Variants in FAF1 observed in about 807,000 individuals in gnomAD.
FAF1 encodes Fas associated factor 1.
In FAF1, 25 loss-of-function variants were observed where a neutral mutation model predicts 92.5. That is an observed-to-expected ratio of 0.27 (90% confidence interval 0.20 to 0.38). The LOEUF is 0.38. FAF1 is among the 10% of genes least tolerant of loss of function. The probability of loss-of-function intolerance (pLI) is 1.00; values close to 1 mark genes in which losing one functional copy is unlikely to be tolerated. For missense variants in FAF1, 636 were observed against 793.3 expected (o/e 0.80, Z 2.38); for synonymous variants, 234 against 273.2 (o/e 0.86, Z 1.42).
chr1:50,851,230 G>A lies in FAF1; in HGVS notation c.114+6699C>T, dbSNP rs574031609. Among the ~76,000 whole-genome samples the A allele has an allele frequency of 9.2e-5, 14 of 152,118 alleles. No individual in the cohort carries two copies. In the South Asian group the frequency reaches 2.1e-3, roughly 23 times the overall value. On this transcript the variant is annotated intron_variant, in intron 2 of 18. Transcript: ENST00000396153. ...TGAGTAGCTGGGACCACAGGCATGC[G>A]CCACCAAGCGGGGCTAATTTTTGTA...
chr1:50,729,058 A>ATATATATATT lies in FAF1; in HGVS notation c.551+9804_551+9805insAATATATATA, dbSNP rs1375923156. Among the ~76,000 whole-genome samples the ATATATATATT allele has an allele frequency of 1.1e-3, 74 of 70,094 alleles. 1 individual carries two copies. Among genetic ancestry groups the ATATATATATT allele is most frequent in the African/African-American group, 3.8e-3 (64 of 16,922 alleles). The allele number at this position is 70,094 out of a possible 152,430, so 46.0% of individuals were successfully genotyped here. On this transcript the variant is annotated intron_variant, in intron 6 of 18. Transcript: ENST00000396153. ...TCTATATATATATATATATATATAT[A>ATATATATATT]TTTTTTTTTTTTTTGAGGCAGAGTT... is the stretch of plus-strand genomic sequence containing the variant.
At chr1:50,493,960 A>G (rs1164813526) in intron 15 of FAF1, among the ~76,000 whole-genome samples, 1 of 152,244 alleles carries the variant, frequency 6.6e-6, no homozygotes, top group African/African-American at 2.4e-5. Context: ...GCTCTGTTGT[A>G]AAACAGACTG....
intron 4 of FAF1, 71 bp downstream of exon 4, chr1:50,787,929 T>TA (rs982043137): frequency 6.7e-5 from 92 of 1,373,222 alleles, no homozygotes; most frequent in Middle Eastern, 1.8e-4. Flanking sequence ...CAACTAGAAA[T>TA]AAAAAAAATA....
intron 9 of FAF1, 62 bp from the exon 10 acceptor site, chr1:50,584,873 A>C: frequency 6.9e-7 from 1 of 1,448,974 alleles, no homozygotes; most frequent in Admixed American, 1.8e-5. Context: ...TCTAAGAATA[A>C]GTTATAATAA....
intron 15 of FAF1, among the ~76,000 whole-genome samples, chr1:50,530,275 G>GTGTGTA (rs1419540554): frequency 7.2e-6 from 1 of 139,376 alleles, no homozygotes; most frequent in Non-Finnish European, 1.6e-5. Context: ...GTGTGTGTGT[G>GTGTGTA]TATGTATATA....
intron 14 of FAF1, among the ~76,000 whole-genome samples, chr1:50,537,438 T>G (rs562215477): frequency 4.1e-4 from 62 of 152,324 alleles, no homozygotes; most frequent in African/African-American, 1.3e-3. Context: ...GCAGCAGTTC[T>G]CAAACTTTTT....
intron 4 of FAF1, among the ~76,000 whole-genome samples, chr1:50,745,238 T>C (rs1440701131): frequency 1.3e-5 from 2 of 152,052 alleles, no homozygotes; most frequent in East Asian, 1.9e-4. Context: ...GAGGCAGAGG[T>C]TGCAGTGAGC....
chr1:50,739,691 A>C (rs1659310483), intron 5 of FAF1, among the ~76,000 whole-genome samples: 1 of 152,138 alleles, frequency 6.6e-6, no homozygotes, highest in African/African-American at 2.4e-5. Flanking sequence ...CCTCAAGCCA[A>C]CGATTTTATA....
At chr1:50,889,445 A>C (rs1044580382) in intron 1 of FAF1, among the ~76,000 whole-genome samples, 5 of 151,932 alleles carry the variant, frequency 3.3e-5, no homozygotes, top group Non-Finnish European at 5.9e-5. Flanking sequence ...TAGTTCTTTT[A>C]ATTGTGATGT....
intron 2 of FAF1, among the ~76,000 whole-genome samples, chr1:50,832,163 G>C (rs1381732092): frequency 1.3e-5 from 2 of 152,126 alleles, no homozygotes; most frequent in African/African-American, 4.8e-5. Context: ...ATAAAGTGGA[G>C]AATAAATGTA....
At chr1:50,671,932 G>A (rs1287992932) in intron 7 of FAF1, among the ~76,000 whole-genome samples, 1 of 151,224 alleles carries the variant, frequency 6.6e-6, no homozygotes, top group Non-Finnish European at 1.5e-5. Context: ...TCAGCCTCCT[G>A]AGTAGGTAGG....
chr1:50,649,769 G>A (rs1487682990), intron 8 of FAF1, among the ~76,000 whole-genome samples: 18 of 138,136 alleles, frequency 1.3e-4, no homozygotes, highest in East Asian at 1.3e-3. Flanking sequence ...ATGAAACCGC[G>A]TCTCTACTAA....
chr1:50,928,940 C>A (rs1002530280), intron 1 of FAF1, among the ~76,000 whole-genome samples: 1 of 151,326 alleles, frequency 6.6e-6, no homozygotes, highest in Non-Finnish European at 1.5e-5. Flanking sequence ...AAAGAAATAC[C>A]CAGGCATGGT....
At chr1:50,883,338 C>A (rs1420124257) in intron 1 of FAF1, among the ~76,000 whole-genome samples, 2 of 152,116 alleles carry the variant, frequency 1.3e-5, no homozygotes, top group African/African-American at 4.8e-5. Context: ...TAAAGTATCA[C>A]CCCCAGATTA....
intron 6 of FAF1, among the ~76,000 whole-genome samples, chr1:50,726,554 G>C (rs1264757062): frequency 6.6e-6 from 1 of 152,106 alleles, no homozygotes; most frequent in Non-Finnish European, 1.5e-5. Flanking sequence ...AAATGGCTGG[G>C]TGTGGCAGCT....
At chr1:50,749,050 G>T (rs1014828897) in intron 4 of FAF1, among the ~76,000 whole-genome samples, 3 of 152,222 alleles carry the variant, frequency 2.0e-5, no homozygotes, top group Middle Eastern at 3.2e-3. Context: ...AGTTGTGGAA[G>T]CAAAAACTTT....
At chr1:50,649,299 T>C (rs1654751704) in intron 8 of FAF1, among the ~76,000 whole-genome samples, 1 of 151,918 alleles carries the variant, frequency 6.6e-6, no homozygotes, top group African/African-American at 2.4e-5. Context: ...ATTACAGGCA[T>C]GCGCCACACA....
intron 1 of FAF1, among the ~76,000 whole-genome samples, chr1:50,952,801 C>T (rs1399668653): frequency 1.3e-5 from 2 of 151,106 alleles, no homozygotes; most frequent in African/African-American, 4.9e-5. Flanking sequence ...CCGGCCGCCC[C>T]GTCTGGGAAG....
At chr1:50,926,590 AC>A (rs543363167) in intron 1 of FAF1, among the ~76,000 whole-genome samples, 75 of 152,280 alleles carry the variant, frequency 4.9e-4, no homozygotes, top group Admixed American at 4.6e-3. Flanking sequence ...AATGTTCTCA[AC>A]AAAAAAAAAA....
Sources: allele counts gnomAD v4.1 joint callset (sites outside exome capture counted in the v4.1 genomes callset), GRCh38; gene constraint gnomAD v4.1.1; transcripts MANE v1.5; gene names NCBI Gene and HGNC (gene_info 2026-07-23, HGNC 2026-07-21).